GPHN: variants seen among roughly 807,000 people sequenced by gnomAD.
GPHN encodes gephyrin.
GPHN carries 17 observed loss-of-function variants against 95.5 expected under a neutral mutation model. That is an observed-to-expected ratio of 0.18 (90% CI 0.12 to 0.27). The LOEUF is 0.27. Ranked by LOEUF, GPHN falls within the 10% of genes least tolerant of loss-of-function variation. The pLI, the probability that GPHN is intolerant of heterozygous loss-of-function variation, is 1.00. For synonymous variants in GPHN, 320 were observed against 322.5 expected (o/e 0.99, Z 0.08); for missense variants, 660 against 978.1 (o/e 0.67, Z 4.34).
chr14:66,545,096 C>T (rs1320443447), intron 1 of GPHN, among the ~76,000 whole-genome samples: 6 of 152,234 alleles, frequency 3.9e-5, no homozygotes, highest in East Asian at 3.9e-4. Flanking sequence ...CTGCCGGGCA[C>T]ACCTCCCAGA....
intron 5 of GPHN, among the ~76,000 whole-genome samples, chr14:66,894,902 T>G (rs994472578): frequency 6.6e-6 from 1 of 152,228 alleles, no homozygotes; most frequent in Middle Eastern, 3.2e-3. Context: ...ACTTTTACAC[T>G]GTTGGTGGGA....
the GPHN span, among the ~76,000 whole-genome samples, chr14:67,409,476 A>G: frequency 5.3e-5 from 8 of 152,238 alleles, no homozygotes; most frequent in Non-Finnish European, 8.8e-5. Flanking sequence ...TCTCTAGGCC[A>G]GAGCATGTTC....
chr14:67,557,238 G>T, the GPHN span: 1 of 1,604,982 alleles, frequency 6.2e-7, no homozygotes, highest in South Asian at 1.1e-5. Context: ...TGAGTGATGG[G>T]AAGACACTAT....
intron 9 of GPHN, among the ~76,000 whole-genome samples, chr14:66,992,012 A>G (rs1050380662): frequency 6.6e-6 from 1 of 152,164 alleles, no homozygotes; most frequent in African/African-American, 2.4e-5. Flanking sequence ...GAGAGCCTAA[A>G]TATTAAGATA....
At chr14:67,020,533 A>G (rs1028905619) in intron 9 of GPHN, among the ~76,000 whole-genome samples, 1 of 152,102 alleles carries the variant, frequency 6.6e-6, no homozygotes, top group Admixed American at 6.5e-5. Flanking sequence ...TTCCTAATGG[A>G]CGATGTGATC....
At chr14:66,927,793 G>A (rs989953173) in intron 8 of GPHN, among the ~76,000 whole-genome samples, 4 of 152,234 alleles carry the variant, frequency 2.6e-5, no homozygotes, top group Admixed American at 6.5e-5. Context: ...CAAGTGAAGT[G>A]ATCATACGGT....
At chr14:67,502,740 C>CA in the GPHN span, among the ~76,000 whole-genome samples, 1 of 152,016 alleles carries the variant, frequency 6.6e-6, no homozygotes, top group Non-Finnish European at 1.5e-5. Context: ...GCGTGAGCCA[C>CA]CGCGCCGGGC....
chr14:66,756,940 C>T (rs1231585873), intron 2 of GPHN, among the ~76,000 whole-genome samples: 1 of 152,158 alleles, frequency 6.6e-6, no homozygotes, highest in African/African-American at 2.4e-5. Flanking sequence ...AATGAAGTAG[C>T]ACATAGTGGT....
intron 1 of GPHN, among the ~76,000 whole-genome samples, chr14:66,559,667 A>C (rs1270796076): frequency 1.3e-5 from 2 of 151,754 alleles, no homozygotes; most frequent in Admixed American, 6.6e-5. Flanking sequence ...AGGTTGTGAA[A>C]ATTTTCTCCC....
At chr14:67,162,582 G>A (rs563661028) in intron 19 of GPHN, among the ~76,000 whole-genome samples, 31 of 152,274 alleles carry the variant, frequency 2.0e-4, no homozygotes, top group South Asian at 6.2e-4. Flanking sequence ...TTTTTATTGC[G>A]TCATCTACAG....
At chr14:67,280,330 T>C in the GPHN span, among the ~76,000 whole-genome samples, 4 of 152,174 alleles carry the variant, frequency 2.6e-5, no homozygotes, top group African/African-American at 4.8e-5. Context: ...TAGGAGAGCA[T>C]TTTATTTTTT....
chr14:67,180,002 AAGG>A (rs1226563832), intron 22 of GPHN, among the ~76,000 whole-genome samples: 1 of 152,222 alleles, frequency 6.6e-6, no homozygotes, highest in Non-Finnish European at 1.5e-5. Context: ...TTTGTAGGAA[AAGG>A]AGGAGATTCT....
rs77043980 is a variant in GPHN, at chr14:66,867,948, G to A, written c.295-11991G>A. Among the ~76,000 whole-genome samples, 440 of 152,240 alleles carry A rather than the reference G, an allele frequency of 2.9e-3. 6 individuals are homozygous for A. The highest frequency in any genetic ancestry group is 1.0e-3 in the Non-Finnish European group (71 of 68,014). On this transcript the variant is annotated intron_variant, in intron 4 of 22. Transcript: ENST00000478722. Reference sequence around the variant, plus strand: ...AATGTAAATTTTCACCTGGAAACTTGTTAGAAATGTAAATTTTGAGGCACC... The same window carrying A: ...AATGTAAATTTTCACCTGGAAACTTATTAGAAATGTAAATTTTGAGGCACC...
At chr14:67,366,626 T>G in the GPHN span, among the ~76,000 whole-genome samples, 1 of 152,130 alleles carries the variant, frequency 6.6e-6, no homozygotes, top group African/African-American at 2.4e-5. Context: ...ATATGGAAGA[T>G]CTCCAGGATA....
the GPHN span, among the ~76,000 whole-genome samples, chr14:67,481,601 G>A: frequency 6.6e-6 from 1 of 152,162 alleles, no homozygotes; most frequent in African/African-American, 2.4e-5. Context: ...ATTAGAGGCT[G>A]GGCATTGACT....
chr14:67,347,535 CTT>C, the GPHN span: 6 of 1,234,728 alleles, frequency 4.9e-6, 1 homozygote, highest in East Asian at 2.6e-5. Context: ...GAGTTTTGCT[CTT>C]GTCGCCGAGG....
the GPHN span, chr14:67,196,763 G>A: frequency 6.6e-6 from 1 of 152,216 alleles, no homozygotes; most frequent in African/African-American, 2.4e-5. Context: ...ACCACGGTGA[G>A]GATCATCAAC....
the GPHN span, among the ~76,000 whole-genome samples, chr14:67,211,766 G>A: frequency 2.6e-5 from 4 of 152,114 alleles, no homozygotes; most frequent in African/African-American, 9.7e-5. Flanking sequence ...GGTCACTTGA[G>A]CCTAGGAGTT....
At chr14:66,882,356 A>G (rs2063969968) in intron 5 of GPHN, among the ~76,000 whole-genome samples, 1 of 151,798 alleles carries the variant, frequency 6.6e-6, no homozygotes, top group South Asian at 2.1e-4. Flanking sequence ...TAATGCATCA[A>G]GTTGGTGCCT....
Sources: gnomAD v4.1 joint callset for allele counts (sites outside exome capture counted in the v4.1 genomes callset) on GRCh38, gnomAD v4.1.1 for gene constraint, MANE v1.5 for transcripts, NCBI Gene and HGNC (gene_info 2026-07-23, HGNC 2026-07-21) for gene names.